The following SNX24 variants were observed in gnomAD, a reference collection of about 807,000 sequenced individuals.
SNX24 encodes sorting nexin 24.
A neutral mutation model predicts 28.7 loss-of-function variants in SNX24; 22 were observed. The ratio of observed to expected loss-of-function variants is 0.77; its 90% confidence interval spans 0.55 to 1.10. SNX24 has a LOEUF of 1.10. Among genes scored for constraint, SNX24 ranks in the 50% least tolerant of loss-of-function variants. The pLI, the probability that SNX24 is intolerant of heterozygous loss-of-function variation, is 0.00. For missense variants in SNX24, 221 were observed against 201.1 expected, an observed-to-expected ratio of 1.10 and a Z score of -0.60; for synonymous variants, 69 against 71.5, an observed-to-expected ratio of 0.96 and a Z score of 0.18.
In SNX24 at chr5:122,951,944, G is replaced by C. The variant is rs553097186; in HGVS notation, c.249+5785G>C. Among the ~76,000 whole-genome samples, 7 of 152,314 alleles carry C rather than the reference G, an allele frequency of 4.6e-5. No individual in the cohort carries two copies. The South Asian group carries it at 1.5e-3, about 32-fold the overall frequency. ...GGCACAGGTTGAGTGTTCCTCATCC[G>C]GAATGCCCCGAAATTTGAAACCTTG... On this transcript the variant is annotated intron_variant, in intron 3 of 6. Transcript: ENST00000261369.
At chr5:122,984,930 GA>G (rs3836758) in intron 3 of SNX24, among the ~76,000 whole-genome samples, 5,888 of 151,950 alleles carry the variant, frequency 0.039, 181 homozygotes, top group East Asian at 0.1. Flanking sequence ...AAACGAAAAA[GA>G]AAAAAAGGTA....
At chr5:122,932,309 C>G (rs6595416) in intron 1 of SNX24, among the ~76,000 whole-genome samples, 56 of 152,010 alleles carry the variant, frequency 3.7e-4, no homozygotes, top group Middle Eastern at 6.8e-3. Flanking sequence ...CTGGAAAACT[C>G]TGAGGAAAGA....
At chr5:122,934,931 C>T (rs1291142906) in intron 1 of SNX24, among the ~76,000 whole-genome samples, 1 of 151,014 alleles carries the variant, frequency 6.6e-6, no homozygotes, top group Non-Finnish European at 1.5e-5. Context: ...ACCATCTGGT[C>T]AGTAGAAGAG....
At chr5:123,010,504 GTCTTGAAC>G (rs1262730745), downstream of SNX24, among the ~76,000 whole-genome samples, 1 of 152,106 alleles carries the variant, frequency 6.6e-6, no homozygotes, top group Admixed American at 6.6e-5. Flanking sequence ...GGCCAGGCTG[GTCTTGAAC>G]TCCTGACCTC....
chr5:122,885,840 G>T (rs1197095784), intron 1 of SNX24, among the ~76,000 whole-genome samples: 3 of 152,154 alleles, frequency 2.0e-5, no homozygotes, highest in Admixed American at 2.0e-4. Flanking sequence ...GGTCGGGGGA[G>T]GGGGGATGAG....
chr5:122,920,028 TTA>T (rs1758364277), intron 1 of SNX24, among the ~76,000 whole-genome samples: 1 of 152,176 alleles, frequency 6.6e-6, no homozygotes, highest in Non-Finnish European at 1.5e-5. Flanking sequence ...GTGGGATAGT[TTA>T]TGTGTCTCTC....
intron 3 of SNX24, among the ~76,000 whole-genome samples, chr5:122,994,321 A>C (rs1402714444): frequency 6.6e-6 from 1 of 152,208 alleles, no homozygotes; most frequent in Non-Finnish European, 1.5e-5. Flanking sequence ...ACTCGTGGGA[A>C]ATCATTACAG....
intron 1 of SNX24, among the ~76,000 whole-genome samples, chr5:122,913,759 G>A (rs1028464499): frequency 2.2e-4 from 33 of 152,010 alleles, no homozygotes; most frequent in South Asian, 1.2e-3. Flanking sequence ...CAAGGCAGGC[G>A]GCTGGGAGGT....
At chr5:122,985,557 A>T (rs1377591265) in intron 3 of SNX24, among the ~76,000 whole-genome samples, 1 of 152,224 alleles carries the variant, frequency 6.6e-6, no homozygotes, top group African/African-American at 2.4e-5. Flanking sequence ...ATGTGAGGCC[A>T]CTTAGCAAGC....
At chr5:122,863,013 A>G (rs1385422104) in intron 1 of SNX24, among the ~76,000 whole-genome samples, 1 of 152,234 alleles carries the variant, frequency 6.6e-6, no homozygotes, top group African/African-American at 2.4e-5. Context: ...ATTAAGTGGC[A>G]GGCATACTAA....
intron 1 of SNX24, among the ~76,000 whole-genome samples, chr5:122,893,061 C>T (rs371479021): frequency 1.3e-5 from 2 of 152,026 alleles, no homozygotes; most frequent in Admixed American, 6.6e-5. Flanking sequence ...CCGCTGCACT[C>T]GGCCCCGTTT....
At chr5:122,927,148 C>T (rs188970696) in intron 1 of SNX24, among the ~76,000 whole-genome samples, 45 of 152,212 alleles carry the variant, frequency 3.0e-4, no homozygotes, top group Middle Eastern at 3.4e-3. Flanking sequence ...TGATAGGTGC[C>T]ATTATAAACT....
chr5:122,983,362 C>T (rs976616116), intron 3 of SNX24, among the ~76,000 whole-genome samples: 2 of 151,884 alleles, frequency 1.3e-5, no homozygotes, highest in African/African-American at 2.4e-5. Context: ...TTTGTTCTTT[C>T]TCTGTCTTAA....
At chr5:122,957,226 T>C (rs1760252339) in intron 3 of SNX24, among the ~76,000 whole-genome samples, 1 of 152,190 alleles carries the variant, frequency 6.6e-6, no homozygotes, top group Non-Finnish European at 1.5e-5. Context: ...TTTCATTCTT[T>C]TGCATGTGGA....
At chr5:122,988,814 G>A (rs537923790) in intron 3 of SNX24, among the ~76,000 whole-genome samples, 261 of 152,262 alleles carry the variant, frequency 1.7e-3, no homozygotes, top group Non-Finnish European at 2.7e-3. Context: ...CTTGGCACCT[G>A]CTGAGTTAGG....
intron 3 of SNX24, among the ~76,000 whole-genome samples, chr5:122,997,267 TTC>T (rs1762081675): frequency 6.6e-6 from 1 of 152,240 alleles, no homozygotes; most frequent in Non-Finnish European, 1.5e-5. Flanking sequence ...CAATGCTGCC[TTC>T]TCTAAAACTA....
chr5:122,910,722 C>G (rs200704458), intron 1 of SNX24, among the ~76,000 whole-genome samples: 3 of 146,072 alleles, frequency 2.1e-5, no homozygotes, highest in South Asian at 4.4e-4. Context: ...TGTGGTGTTT[C>G]GTTTTTTGTC....
chr5:122,992,238 G>T (rs759225358), intron 3 of SNX24, among the ~76,000 whole-genome samples: 2 of 152,106 alleles, frequency 1.3e-5, no homozygotes, highest in African/African-American at 4.8e-5. Flanking sequence ...TTAATGCGTG[G>T]TCCCTGGATC....
At chr5:122,966,655 T>C (rs1428466704) in intron 3 of SNX24, among the ~76,000 whole-genome samples, 1 of 152,172 alleles carries the variant, frequency 6.6e-6, no homozygotes, top group African/African-American at 2.4e-5. Context: ...ATAAGGAAGA[T>C]GTGGATTCAG....
Sources: gnomAD v4.1 joint callset for allele counts (sites outside exome capture counted in the v4.1 genomes callset) on GRCh38, gnomAD v4.1.1 for gene constraint, MANE v1.5 for transcripts, NCBI Gene and HGNC (gene_info 2026-07-23, HGNC 2026-07-21) for gene names.